DIABLO: variants seen among roughly 807,000 people sequenced by gnomAD.
DIABLO encodes diablo homolog, mitochondrial.
In DIABLO, 32 loss-of-function variants were observed where a neutral mutation model predicts 31.7. The observed-to-expected ratio is 1.01, with a 90% CI of 0.76 to 1.35. DIABLO has a LOEUF of 1.35. Ranked by LOEUF, DIABLO falls within the 40% of genes most tolerant of loss-of-function variation. DIABLO has a pLI of 0.00. For missense variants in DIABLO, 316 were observed against 286.4 expected (o/e 1.10, Z -0.75); for synonymous variants, 132 against 103.2 (o/e 1.28, Z -1.69).
intron 2 of DIABLO, among the ~76,000 whole-genome samples, chr12:122,224,256 C>G (rs1267741580): frequency 5.9e-5 from 9 of 152,168 alleles, no homozygotes; most frequent in African/African-American, 2.2e-4. Context: ...TCAAAGACTA[C>G]TTTGTTGATA....
intron 1 of DIABLO, chr12:122,225,640 G>A (rs1337241962): frequency 7.6e-7 from 1 of 1,309,722 alleles, no homozygotes; most frequent in East Asian, 3.5e-5. Flanking sequence ...CCCATGCCGT[G>A]TCCCTCCTCC....
At position 122,208,616 on chromosome 12, in the gene DIABLO, A is replaced by G. The variant is rs781561232; in HGVS notation, c.524-39T>C. On this transcript the variant is annotated intron_variant, in intron 5 of 5. Coordinates refer to ENST00000464942, the MANE Select transcript of DIABLO (RefSeq NM_001371333.1). ...GGACAATCGGGTTGAGCAGCCGTGC[A>G]GGGCGCGGAAGGCTCATGTGGACGT... is the stretch of plus-strand genomic sequence containing the variant. 26 of 1,596,634 alleles carry G rather than the reference A, an allele frequency of 1.6e-5. 1 individual carries two copies. The Middle Eastern group carries it at 1.7e-3, about 102-fold the overall frequency.
At chr12:122,218,604 A>T (rs759849506) in intron 2 of DIABLO, 55 of 607,224 alleles carry the variant, frequency 9.1e-5, no homozygotes, top group Middle Eastern at 7.7e-4. Context: ...CTTTCTACCA[A>T]CTTTCATTCT....
In DIABLO at chr12:122,208,143, TAC is replaced by T; in HGVS notation, c.*236_*237del. ...TAAAAAAAATGGGTAAGAGCAGCTG[TAC>T]AGAGTGGGGTGAAATGTTAAACAGG... On this transcript the variant is annotated 3_prime_UTR_variant, in exon 6 of 6. Transcript: ENST00000464942. 1 of 689,624 alleles carries T rather than the reference TAC, an allele frequency of 1.5e-6. No individual in the cohort carries two copies. Among genetic ancestry groups the T allele is most frequent in the Non-Finnish European group, 2.6e-6 (1 of 379,580 alleles). The allele number at this position is 689,624 out of a possible 1,614,324, so 42.7% of individuals were successfully genotyped here. A position where few individuals can be genotyped will look rare whatever the true frequency, so the allele number is the denominator to read the frequency against.
intron 2 of DIABLO, among the ~76,000 whole-genome samples, chr12:122,223,933 T>A (rs960558363): frequency 6.6e-6 from 1 of 152,196 alleles, no homozygotes; most frequent in East Asian, 1.9e-4. Context: ...CCTGAGTAGT[T>A]GCCACTAGAA....
chr12:122,208,354 G>A lies in DIABLO; in HGVS notation c.*27C>T. Reference sequence around the variant, plus strand: ...CTGCCCCTGCTTTCCCCACTGAGTGGGGAGACAGGGCAGTGTGCTCAGGCC... The same window carrying A: ...CTGCCCCTGCTTTCCCCACTGAGTGAGGAGACAGGGCAGTGTGCTCAGGCC... On this transcript the variant is annotated 3_prime_UTR_variant, in exon 6 of 6. Coordinates refer to ENST00000464942, the MANE Select transcript of DIABLO (RefSeq NM_001371333.1). The A allele has an allele frequency of 6.2e-7, 1 of 1,610,180 alleles. No individual in the cohort carries two copies. The highest frequency in any genetic ancestry group is 8.5e-7 in the Non-Finnish European group (1 of 1,179,730).
chr12:122,212,665 C>A (rs1286610014), intron 5 of DIABLO, among the ~76,000 whole-genome samples: 1 of 150,338 alleles, frequency 6.7e-6, no homozygotes, highest in Non-Finnish European at 1.5e-5. Flanking sequence ...TGCTCTGTTG[C>A]CCAGGGTGGA....
chr12:122,208,247 G>T lies in DIABLO; in HGVS notation c.*134C>A. Reference sequence around the variant, plus strand: ...GGAGGCACTCACAGCTCACAAAGGCGTCTCGCCTGATTGGCCAGGGCAGGA... The same window carrying T: ...GGAGGCACTCACAGCTCACAAAGGCTTCTCGCCTGATTGGCCAGGGCAGGA... On this transcript the variant is annotated 3_prime_UTR_variant, in exon 6 of 6. Transcript: ENST00000464942. 1.9e-6 allele frequency: 2 copies of T among 1,048,750 alleles called. No homozygotes were observed. The highest frequency in any genetic ancestry group is 2.9e-6 in the Non-Finnish European group (2 of 697,912). The allele number at this position is 1,048,750 out of a possible 1,614,324, so 65.0% of individuals were successfully genotyped here.
At chr12:122,210,554 T>G (rs958701133) in intron 5 of DIABLO, among the ~76,000 whole-genome samples, 1 of 151,538 alleles carries the variant, frequency 6.6e-6, no homozygotes, top group Non-Finnish European at 1.5e-5. Flanking sequence ...TTTATTTTTT[T>G]TATTTTAGTA....
chr12:122,225,850 T>C (rs2136111040), intron 1 of DIABLO, 115 bp downstream of exon 1: 1 of 1,530,744 alleles, frequency 6.5e-7, no homozygotes. Flanking sequence ...GCGACCCAGC[T>C]GGGCGGACGA....
intron 1 of DIABLO, 27 bp downstream of exon 1, chr12:122,225,938 G>A (rs1371603292): frequency 1.3e-6 from 2 of 1,577,704 alleles, no homozygotes; most frequent in Non-Finnish European, 1.7e-6. Context: ...CTCTGGTCCT[G>A]TCCCCTCTAC....
Position 122,218,270 on chromosome 12 carries a change from G to A in DIABLO, c.311C>T (p.Thr104Ile). The change falls in exon 3 of 6, where the codon ACT becomes ATT. Residue 104 changes from threonine (T) to isoleucine (I), a missense_variant. Coordinates refer to ENST00000464942, the MANE Select transcript of DIABLO (RefSeq NM_001371333.1). Reference sequence around the variant, plus strand: ...AAGAGTTAAGAGGAGACATACCTTAGTATATTCAGTAATAGCTTCAATCAA... The same window carrying A: ...AAGAGTTAAGAGGAGACATACCTTAATATATTCAGTAATAGCTTCAATCAA... ...YALIEAITEY[T>I]KAVYTLTSLY... The A allele has an allele frequency of 1.9e-6, 3 of 1,614,074 alleles. No homozygotes were observed. Among genetic ancestry groups the A allele is most frequent in the East Asian group, 4.5e-5 (2 of 44,856 alleles).
chr12:122,222,074 T>A (rs1423584081), intron 2 of DIABLO: 1 of 152,200 alleles, frequency 6.6e-6, no homozygotes, highest in Non-Finnish European at 1.5e-5. Context: ...AATATTTTGC[T>A]GAAATGGAGC....
At position 122,209,619 on chromosome 12, in the gene DIABLO, C is replaced by A; in HGVS notation, c.524-1042G>T. On this transcript the variant is annotated intron_variant, in intron 5 of 5. Transcript: ENST00000464942. ...GGCGGAGGTTGCAGTGAGCTGAGAT[C>A]GCGCCACTTCACTCCAGCCTAGGTG... 4.8e-6 allele frequency: 3 copies of A among 619,054 alleles called. No homozygotes were observed. In the South Asian group the frequency reaches 5.6e-5, roughly 11 times the overall value. 38.3% of individuals were successfully genotyped at this position (619,054 alleles called of 1,614,324 possible).
At chr12:122,213,509 A>C (rs904480235) in intron 5 of DIABLO, among the ~76,000 whole-genome samples, 3 of 148,982 alleles carry the variant, frequency 2.0e-5, no homozygotes, top group Admixed American at 6.7e-5. Context: ...GTCTCAGGGA[A>C]AAAAAAAAAA....
Position 122,219,948 on chromosome 12 carries a change from TA to T in DIABLO, c.184-1552del, listed in dbSNP as rs1438656199. On this transcript the variant is annotated intron_variant, in intron 2 of 5. Coordinates refer to ENST00000464942, the MANE Select transcript of DIABLO (RefSeq NM_001371333.1). ...GTTGATGGGGGGACCTCGGTTATTT[TA>T]TTTTTTTTTTTTGAGACAGAGTCTC... Among the ~76,000 whole-genome samples the T allele has an allele frequency of 2.9e-5, 4 of 137,134 alleles. No individual in the cohort carries two copies. The East Asian group carries it at 9.9e-4, about 34-fold the overall frequency. The allele number at this position is 137,134 out of a possible 152,430, so 90.0% of individuals were successfully genotyped here.
chr12:122,224,416 G>A (rs921516959), intron 2 of DIABLO, 96 bp downstream of exon 2: 5 of 1,599,462 alleles, frequency 3.1e-6, no homozygotes, highest in Non-Finnish European at 4.3e-6. Flanking sequence ...GGGAGCACTG[G>A]GAAAAACTAT....
At chr12:122,214,892 C>T (rs893372827) in intron 5 of DIABLO, among the ~76,000 whole-genome samples, 3 of 152,058 alleles carry the variant, frequency 2.0e-5, no homozygotes, top group Non-Finnish European at 2.9e-5. Context: ...GGTTTCACCA[C>T]GGTGGCCAGG....
intron 3 of DIABLO, among the ~76,000 whole-genome samples, chr12:122,218,005 A>C (rs1954252852): frequency 6.6e-6 from 1 of 151,630 alleles, no homozygotes; most frequent in African/African-American, 2.4e-5. Flanking sequence ...GGTTCCTGGG[A>C]AAAGTCTAAA....
Sources: gnomAD v4.1 joint callset for allele counts (sites outside exome capture counted in the v4.1 genomes callset) on GRCh38, gnomAD v4.1.1 for gene constraint, MANE v1.5 for transcripts, NCBI Gene and HGNC (gene_info 2026-07-23, HGNC 2026-07-21) for gene names.